PDZRN4: variants seen among roughly 807,000 people sequenced by gnomAD.
PDZRN4 encodes the protein PDZ domain containing ring finger 4.
A neutral mutation model predicts 99.0 loss-of-function variants in PDZRN4; 70 were observed. The ratio of observed to expected loss-of-function variants is 0.71; its 90% CI spans 0.58 to 0.86. The LOEUF is 0.86. Ranked by LOEUF, PDZRN4 falls within the 40% of genes least tolerant of loss-of-function variation. PDZRN4 has a pLI of 0.00. For missense variants in PDZRN4, 1,474 were observed against 1,331.2 expected, an observed-to-expected ratio of 1.11 and a Z score of -1.67; for synonymous variants, 551 against 501.6, an observed-to-expected ratio of 1.10 and a Z score of -1.32.
chr12:41,530,761 C>T (rs1938646826), intron 5 of PDZRN4, among the ~76,000 whole-genome samples: 4 of 152,174 alleles, frequency 2.6e-5, no homozygotes, highest in Admixed American at 2.6e-4. Context: ...TGGGCATGAT[C>T]GGACTTATGA....
chr12:41,406,106 T>G (rs1029607443), intron 3 of PDZRN4, among the ~76,000 whole-genome samples: 2 of 152,020 alleles, frequency 1.3e-5, no homozygotes, highest in African/African-American at 4.8e-5. Flanking sequence ...AACCAAAATA[T>G]TTCAATAATA....
chr12:41,247,145 C>A (rs915785427), intron 3 of PDZRN4, among the ~76,000 whole-genome samples: 1 of 152,040 alleles, frequency 6.6e-6, no homozygotes, highest in East Asian at 1.9e-4. Flanking sequence ...GGAATTAATA[C>A]CAAAATAATC....
intron 3 of PDZRN4, among the ~76,000 whole-genome samples, chr12:41,324,950 C>T (rs1918230): frequency 0.049 from 7,470 of 152,146 alleles, 229 homozygotes; most frequent in East Asian, 0.095. Flanking sequence ...TTTGAAATTA[C>T]ATATGTGGCT....
intron 3 of PDZRN4, among the ~76,000 whole-genome samples, chr12:41,379,076 G>A (rs983127388): frequency 6.6e-6 from 1 of 151,824 alleles, no homozygotes; most frequent in African/African-American, 2.4e-5. Context: ...CTTTTTTTAT[G>A]ATTCAGTTTT....
At chr12:41,565,228 T>C (rs912056490) in intron 8 of PDZRN4, among the ~76,000 whole-genome samples, 18 of 152,106 alleles carry the variant, frequency 1.2e-4, no homozygotes, top group African/African-American at 4.3e-4. Flanking sequence ...TGATGAAAGA[T>C]GGTTGTCTGA....
chr12:41,362,700 C>A (rs1351172982), intron 3 of PDZRN4, among the ~76,000 whole-genome samples: 3 of 152,036 alleles, frequency 2.0e-5, no homozygotes, highest in South Asian at 2.1e-4. Flanking sequence ...TAATCTGCTG[C>A]CCTTCTGTCC....
At chr12:41,326,272 C>G (rs968463569) in intron 3 of PDZRN4, among the ~76,000 whole-genome samples, 4 of 152,054 alleles carry the variant, frequency 2.6e-5, no homozygotes, top group African/African-American at 9.7e-5. Context: ...GCCACCATGC[C>G]CAGCCTCTTT....
chr12:41,302,422 T>A (rs1403490653), intron 3 of PDZRN4, among the ~76,000 whole-genome samples: 2 of 152,110 alleles, frequency 1.3e-5, no homozygotes, highest in Non-Finnish European at 2.9e-5. Context: ...TACACCCCAG[T>A]TTTTAAAATA....
At chr12:41,206,527 G>T (rs1200130817) in intron 3 of PDZRN4, among the ~76,000 whole-genome samples, 1 of 150,682 alleles carries the variant, frequency 6.6e-6, no homozygotes, top group Non-Finnish European at 1.5e-5. Context: ...TATTAATTAA[G>T]CTTAATTAAT....
At chr12:41,348,696 C>A (rs10880053) in intron 3 of PDZRN4, among the ~76,000 whole-genome samples, 57,154 of 151,818 alleles carry the variant, frequency 0.38, 10,827 homozygotes, top group Non-Finnish European at 0.39. Context: ...TCTCAAGGAA[C>A]AGCACTTGTA....
rs76916595 is a variant in PDZRN4, at chr12:41,426,368, G to A, written c.844-80088G>A. On this transcript the variant is annotated intron_variant, in intron 3 of 9. Coordinates refer to ENST00000402685, the MANE Select transcript of PDZRN4 (RefSeq NM_001164595.2). ...TACTCACCTTTACATCCCATAGGTAGGACATGTCTGGTAAACTACACAAGG... is the reference window on the plus strand; with the variant it reads ...TACTCACCTTTACATCCCATAGGTAAGACATGTCTGGTAAACTACACAAGG... Among the ~76,000 whole-genome samples the A allele has an allele frequency of 9.3e-3, 1,414 of 152,250 alleles. 26 individuals carry two copies. The highest frequency in any genetic ancestry group is 0.032 in the African/African-American group (1,343 of 41,536).
intron 2 of PDZRN4, among the ~76,000 whole-genome samples, chr12:41,193,640 CA>C (rs1950751220): frequency 6.6e-6 from 1 of 152,178 alleles, no homozygotes; most frequent in Admixed American, 6.5e-5. Flanking sequence ...TCTGGCACAT[CA>C]AAAAGCTAAA....
intron 3 of PDZRN4, among the ~76,000 whole-genome samples, chr12:41,206,418 A>G (rs994289932): frequency 6.6e-5 from 10 of 151,744 alleles, no homozygotes; most frequent in African/African-American, 2.4e-4. Flanking sequence ...CACTTCCTTG[A>G]TGTCTAATGA....
At chr12:41,372,147 A>G (rs573089327) in intron 3 of PDZRN4, among the ~76,000 whole-genome samples, 5,022 of 107,452 alleles carry the variant, frequency 0.047, 116 homozygotes, top group African/African-American at 0.078. Flanking sequence ...TAAAGGGGGA[A>G]AAAAAAGAAA....
At chr12:41,362,374 G>T (rs987168557) in intron 3 of PDZRN4, among the ~76,000 whole-genome samples, 5 of 151,820 alleles carry the variant, frequency 3.3e-5, no homozygotes, top group African/African-American at 1.2e-4. Context: ...ACTGAAGCTG[G>T]CTTCTGATTA....
intron 5 of PDZRN4, among the ~76,000 whole-genome samples, chr12:41,518,202 G>A (rs185278566): frequency 6.6e-6 from 1 of 152,032 alleles, no homozygotes; most frequent in East Asian, 1.9e-4. Context: ...GTTACATATT[G>A]CATTTACCAA....
intron 1 of PDZRN4, among the ~76,000 whole-genome samples, chr12:41,190,865 T>A (rs987966228): frequency 1.5e-4 from 23 of 152,224 alleles, no homozygotes; most frequent in African/African-American, 5.5e-4. Flanking sequence ...AAATACATAC[T>A]ACTTTACCTA....
At chr12:41,380,011 A>G (rs556730673) in intron 3 of PDZRN4, among the ~76,000 whole-genome samples, 1 of 152,106 alleles carries the variant, frequency 6.6e-6, no homozygotes, top group African/African-American at 2.4e-5. Context: ...TGCTTGATAT[A>G]TTTACATGTT....
chr12:41,249,518 G>A (rs1566394147), intron 3 of PDZRN4, among the ~76,000 whole-genome samples: 1 of 152,294 alleles, frequency 6.6e-6, no homozygotes, highest in South Asian at 2.1e-4. Context: ...AGGATTTGGG[G>A]AAGAAGGTAC....
Sources: gnomAD v4.1 joint callset for allele counts (sites outside exome capture counted in the v4.1 genomes callset) on GRCh38, gnomAD v4.1.1 for gene constraint, MANE v1.5 for transcripts, NCBI Gene and HGNC (gene_info 2026-07-23, HGNC 2026-07-21) for gene names.